The following LPP variants were observed in gnomAD, a reference collection of about 807,000 sequenced individuals.
The protein encoded by LPP is LIM domain containing preferred translocation partner in lipoma, also known as lipoma-preferred partner.
A neutral mutation model predicts 60.4 loss-of-function variants in LPP; 38 were observed. That is an observed-to-expected ratio of 0.63 (90% CI 0.49 to 0.83). The LOEUF (loss-of-function observed/expected upper bound fraction) is 0.83. LPP is among the 40% of genes least tolerant of loss of function. The pLI is 0.00. For missense variants in LPP, 902 were observed against 783.6 expected (o/e 1.15, Z -1.80); for synonymous variants, 328 against 290.8 (o/e 1.13, Z -1.30).
At chr3:188,189,038 C>T (rs1727398471) in intron 1 of LPP, among the ~76,000 whole-genome samples, 1 of 152,166 alleles carries the variant, frequency 6.6e-6, no homozygotes, top group South Asian at 2.1e-4. Context: ...GAGACACATA[C>T]ATCCAAAATC....
chr3:188,307,794 A>AAC lies in LPP; in HGVS notation c.-66-33869_-66-33868insAC, dbSNP rs1577997857. Among the ~76,000 whole-genome samples the AAC allele has an allele frequency of 3.9e-5, 6 of 152,296 alleles. No homozygotes were observed. The East Asian group carries it at 1.2e-3, about 29-fold the overall frequency. On this transcript the variant is annotated intron_variant, in intron 2 of 11. Coordinates refer to ENST00000617246, the MANE Select transcript of LPP (RefSeq NM_001375462.1). ...TAAGCTCATAACTGGGATGTTCAAT[A>AAC]TGACTTTATTAACACAGGGAATACA...
At chr3:188,793,185 T>A (rs1744307819) in intron 9 of LPP, among the ~76,000 whole-genome samples, 1 of 14,782 alleles carries the variant, frequency 6.8e-5, no homozygotes, top group South Asian at 5.2e-3. Context: ...TCATTTATCC[T>A]TTTTTTTTTT....
intron 9 of LPP, among the ~76,000 whole-genome samples, chr3:188,763,301 A>C (rs546173247): frequency 7.3e-5 from 11 of 151,506 alleles, no homozygotes; most frequent in Non-Finnish European, 1.6e-4. Flanking sequence ...ATAGTGGCTT[A>C]ATTATTTTTG....
intron 6 of LPP, among the ~76,000 whole-genome samples, chr3:188,563,992 T>G (rs1176559600): frequency 1.3e-5 from 2 of 151,944 alleles, no homozygotes; most frequent in Non-Finnish European, 2.9e-5. Context: ...GTAACAGTCT[T>G]GTTTACTTAA....
At chr3:188,417,232 C>G (rs1786542244) in intron 4 of LPP, among the ~76,000 whole-genome samples, 1 of 151,866 alleles carries the variant, frequency 6.6e-6, no homozygotes, top group Non-Finnish European at 1.5e-5. Flanking sequence ...GTCTACTAGT[C>G]AAGATAGACA....
At chr3:188,276,889 CTTTTCTTTTTTTT>C (rs1262724713) in intron 2 of LPP, among the ~76,000 whole-genome samples, 11 of 60,178 alleles carry the variant, frequency 1.8e-4, no homozygotes, top group East Asian at 3.5e-4. Context: ...CACTTCTTTT[CTTTTCTTTTTTTT>C]TTTTTTTTTT....
At chr3:188,681,081 C>T (rs1859392713) in intron 7 of LPP, among the ~76,000 whole-genome samples, 1 of 151,240 alleles carries the variant, frequency 6.6e-6, no homozygotes, top group African/African-American at 2.4e-5. Context: ...ACTGCAATCA[C>T]CGCCTCCTGG....
intron 5 of LPP, among the ~76,000 whole-genome samples, chr3:188,495,523 A>G (rs989216547): frequency 1.2e-4 from 19 of 152,270 alleles, no homozygotes; most frequent in Middle Eastern, 3.4e-3. Context: ...TTTACAAATG[A>G]GAGAATGTGG....
At chr3:188,162,421 C>A (rs894825244) in intron 1 of LPP, among the ~76,000 whole-genome samples, 2 of 152,168 alleles carry the variant, frequency 1.3e-5, no homozygotes, top group Admixed American at 1.3e-4. Flanking sequence ...GCCCTTTACA[C>A]AGGTGAGAAG....
At chr3:188,302,595 T>C (rs1447038486) in intron 2 of LPP, among the ~76,000 whole-genome samples, 1 of 152,236 alleles carries the variant, frequency 6.6e-6, no homozygotes, top group African/African-American at 2.4e-5. Context: ...TTGTTTAACC[T>C]AATCTGAGTC....
At chr3:188,231,863 G>T (rs1560134914) in intron 2 of LPP, among the ~76,000 whole-genome samples, 1 of 152,160 alleles carries the variant, frequency 6.6e-6, no homozygotes, top group Non-Finnish European at 1.5e-5. Context: ...AATTTCAGGG[G>T]TCTGCGTCTC....
chr3:188,671,312 T>C (rs1363911696), intron 7 of LPP, among the ~76,000 whole-genome samples: 1 of 152,226 alleles, frequency 6.6e-6, no homozygotes, highest in Non-Finnish European at 1.5e-5. Context: ...ATATTATCCC[T>C]TGTCTTTTAA....
intron 5 of LPP, among the ~76,000 whole-genome samples, chr3:188,515,862 A>C (rs910438677): frequency 6.6e-6 from 1 of 152,218 alleles, no homozygotes; most frequent in Non-Finnish European, 1.5e-5. Flanking sequence ...ATAGTTTTAC[A>C]AAGAGTATCA....
chr3:188,207,207 ATTTTCTTTTTTTTTTTTTTC>A (rs1332212688), intron 1 of LPP, among the ~76,000 whole-genome samples: 41 of 116,470 alleles, frequency 3.5e-4, no homozygotes, highest in Middle Eastern at 5.9e-3. Context: ...TGACCTACAC[ATTTTCTTTTTTTTTTTTTTC>A]TTTTCTTTTT....
intron 7 of LPP, among the ~76,000 whole-genome samples, chr3:188,697,309 G>A (rs983407698): frequency 1.3e-5 from 2 of 152,194 alleles, no homozygotes; most frequent in African/African-American, 4.8e-5. Flanking sequence ...CCATTTGTTT[G>A]CTGGTTTGCA....
chr3:188,405,763 G>A (rs2148860487), intron 3 of LPP, among the ~76,000 whole-genome samples: 1 of 152,188 alleles, frequency 6.6e-6, no homozygotes, highest in Admixed American at 6.5e-5. Context: ...CTTCAAGTTA[G>A]GAACCATTTC....
At chr3:188,495,082 A>ATTTTT (rs373434961) in intron 5 of LPP, among the ~76,000 whole-genome samples, 3,907 of 97,244 alleles carry the variant, frequency 0.04, 484 homozygotes, top group African/African-American at 0.15. Context: ...ATATATATAT[A>ATTTTT]TTTTATTTAT....
rs200398269 is a variant in LPP at position 188,524,881 on chromosome 3, TTCCTTCCTTCCGTCCG to T, written c.429+106_429+121del. 0.48 allele frequency: 304,374 copies of T among 634,180 alleles called. 94,438 individuals carry two copies. The highest frequency in any genetic ancestry group is 0.84 in the East Asian group (25,919 of 30,908). 39.3% of individuals were successfully genotyped at this position (634,180 alleles called of 1,614,324 possible). ...GCTGCACCTGAGAGCTTATTTCCCC[TTCCTTCCTTCCGTCCG>T]TCCTTCCTTCCTTCCTTCCTTCCTT... On this transcript the variant is annotated intron_variant, in intron 6 of 11. Transcript: ENST00000617246.
chr3:188,240,391 G>GAGAGAGAGAGAC (rs57917620), intron 2 of LPP, among the ~76,000 whole-genome samples: 1 of 150,078 alleles, frequency 6.7e-6, no homozygotes, highest in African/African-American at 2.5e-5. Context: ...GAGAGACAGA[G>GAGAGAGAGAGAC]AGAGAAAGAG....
Sources: gnomAD v4.1 joint callset for allele counts (sites outside exome capture counted in the v4.1 genomes callset) on GRCh38, gnomAD v4.1.1 for gene constraint, MANE v1.5 for transcripts, NCBI Gene and HGNC (gene_info 2026-07-23, HGNC 2026-07-21) for gene names.